The following KCNIP4 variants were observed in gnomAD, a reference collection of about 807,000 sequenced individuals.
KCNIP4 encodes the protein Kv channel-interacting protein 4.
KCNIP4 carries 12 observed loss-of-function variants against 34.0 expected under a neutral mutation model. The ratio of observed to expected loss-of-function variants is 0.35; its 90% CI spans 0.23 to 0.57. The LOEUF is 0.57. Ranked by LOEUF, KCNIP4 falls within the 20% of genes least tolerant of loss-of-function variation. The pLI is 0.83. For missense variants in KCNIP4, 238 were observed against 311.7 expected, an observed-to-expected ratio of 0.76 and a Z score of 1.78; for synonymous variants, 124 against 102.2, an observed-to-expected ratio of 1.21 and a Z score of -1.29.
chr4:21,194,877 G>A (rs758458236), intron 1 of KCNIP4, among the ~76,000 whole-genome samples: 8 of 152,120 alleles, frequency 5.3e-5, no homozygotes, highest in Non-Finnish European at 1.2e-4. Context: ...GTTATTTCAA[G>A]GTTTATTTGT....
intron 1 of KCNIP4, among the ~76,000 whole-genome samples, chr4:20,910,283 ATGTG>A (rs35143714): frequency 5.3e-5 from 8 of 149,704 alleles, no homozygotes; most frequent in African/African-American, 9.8e-5. Flanking sequence ...GTGTGTCTGT[ATGTG>A]TGTGTGTGTG....
Position 20,884,311 on chromosome 4 carries a change from A to C in KCNIP4, c.62-1602T>G, listed in dbSNP as rs751035503. ...GCCCTGGTGGTTTCCTGCACCTATC[A>C]GCCCATCATCTAGGTTTTAAGCTCC... On this transcript the variant is annotated intron_variant, in intron 1 of 8. Coordinates refer to ENST00000382152, the MANE Select transcript of KCNIP4 (RefSeq NM_025221.6). Among the ~76,000 whole-genome samples the C allele has an allele frequency of 2.1e-4, 32 of 152,164 alleles. 1 individual carries two copies. The highest frequency in any genetic ancestry group is 5.2e-4 in the Admixed American group (8 of 15,266).
intron 1 of KCNIP4, among the ~76,000 whole-genome samples, chr4:21,651,631 C>T (rs1051447824): frequency 6.6e-6 from 1 of 152,100 alleles, no homozygotes; most frequent in Non-Finnish European, 1.5e-5. Context: ...AAGGGCTTTA[C>T]ATAATTAGCA....
At chr4:20,755,765 T>C (rs970646933) in intron 4 of KCNIP4, among the ~76,000 whole-genome samples, 3 of 151,950 alleles carry the variant, frequency 2.0e-5, no homozygotes, top group Admixed American at 1.3e-4. Context: ...TGATGAGATA[T>C]TGAGATAGAT....
chr4:21,900,088 T>C (rs1727623242), intron 1 of KCNIP4, among the ~76,000 whole-genome samples: 1 of 152,176 alleles, frequency 6.6e-6, no homozygotes, highest in Non-Finnish European at 1.5e-5. Flanking sequence ...TTTGTTTCAA[T>C]TCTTTGATTG....
chr4:21,913,759 G>T (rs1728473022), intron 1 of KCNIP4, among the ~76,000 whole-genome samples: 1 of 152,142 alleles, frequency 6.6e-6, no homozygotes, highest in African/African-American at 2.4e-5. Flanking sequence ...AAAAAAATAT[G>T]GCAGGGTAAG....
intron 3 of KCNIP4, among the ~76,000 whole-genome samples, chr4:20,825,501 T>A (rs1717648755): frequency 6.6e-6 from 1 of 152,146 alleles, no homozygotes; most frequent in Admixed American, 6.5e-5. Flanking sequence ...CTAGGCTGTG[T>A]AACCAGGTAG....
At chr4:21,405,823 C>A (rs2109569619) in intron 1 of KCNIP4, among the ~76,000 whole-genome samples, 1 of 152,260 alleles carries the variant, frequency 6.6e-6, no homozygotes, top group East Asian at 1.9e-4. Flanking sequence ...GGCCTGTCAT[C>A]TTTTATTTTA....
chr4:20,987,615 CAT>C (rs1736689398), intron 1 of KCNIP4, among the ~76,000 whole-genome samples: 1 of 152,134 alleles, frequency 6.6e-6, no homozygotes, highest in South Asian at 2.1e-4. Context: ...CAACAAGGGA[CAT>C]AACCAGGATT....
intron 3 of KCNIP4, among the ~76,000 whole-genome samples, chr4:20,803,757 A>AGAAG (rs1560477354): frequency 8.0e-6 from 1 of 124,484 alleles, no homozygotes; most frequent in African/African-American, 3.2e-5. Context: ...AAGGAAGGAA[A>AGAAG]GAAGGAAGGA....
intron 1 of KCNIP4, among the ~76,000 whole-genome samples, chr4:21,475,539 C>T (rs34960959): frequency 0.12 from 18,984 of 152,158 alleles, 1,350 homozygotes; most frequent in South Asian, 0.21. Flanking sequence ...ATTATTTAAC[C>T]AATGTCCCTA....
At chr4:21,692,750 G>A (rs181356799) in intron 1 of KCNIP4, among the ~76,000 whole-genome samples, 8 of 150,902 alleles carry the variant, frequency 5.3e-5, no homozygotes, top group East Asian at 1.9e-4. Context: ...CAGAGCATGC[G>A]GGCCAAGAGA....
intron 1 of KCNIP4, among the ~76,000 whole-genome samples, chr4:21,505,087 A>G (rs1246351026): frequency 1.3e-5 from 2 of 152,198 alleles, no homozygotes; most frequent in Non-Finnish European, 2.9e-5. Flanking sequence ...TATAGCCTCC[A>G]TCTAATGAGC....
At chr4:21,139,246 A>G (rs767917008) in intron 1 of KCNIP4, among the ~76,000 whole-genome samples, 13 of 152,216 alleles carry the variant, frequency 8.5e-5, no homozygotes, top group Admixed American at 5.9e-4. Context: ...CGTTTCAATT[A>G]TTTGCTTTGT....
chr4:20,959,108 A>C (rs902328695), intron 1 of KCNIP4, among the ~76,000 whole-genome samples: 2 of 152,218 alleles, frequency 1.3e-5, no homozygotes, highest in African/African-American at 4.8e-5. Context: ...TGAAGAGGGA[A>C]GGAAGATTGA....
intron 1 of KCNIP4, among the ~76,000 whole-genome samples, chr4:21,046,692 A>G (rs1203533142): frequency 2.0e-5 from 3 of 152,076 alleles, no homozygotes; most frequent in Non-Finnish European, 4.4e-5. Flanking sequence ...CCTAGGTTCA[A>G]GCAGTTCTCC....
Position 21,796,972 on chromosome 4 carries a change from T to A in KCNIP4, c.61+151599A>T, listed in dbSNP as rs576258576. ...TTCTGACATTGGCAAAGCTTGGACA[T>A]ATTCTGAGCAAGAGGCTCCATTTTC... On this transcript the variant is annotated intron_variant, in intron 1 of 8. Transcript: ENST00000382152. Among the ~76,000 whole-genome samples, 82 of 152,306 alleles carry A rather than the reference T, an allele frequency of 5.4e-4. 1 individual carries two copies. The highest frequency in any genetic ancestry group is 1.9e-3 in the African/African-American group (77 of 41,578).
intron 3 of KCNIP4, among the ~76,000 whole-genome samples, chr4:20,796,152 T>C (rs1713427377): frequency 6.6e-6 from 1 of 152,202 alleles, no homozygotes. Context: ...AAGACAGAGA[T>C]AAAATGTACA....
chr4:21,462,139 C>G (rs1389238185), intron 1 of KCNIP4, among the ~76,000 whole-genome samples: 2 of 152,054 alleles, frequency 1.3e-5, no homozygotes, highest in Non-Finnish European at 2.9e-5. Flanking sequence ...AACACCAGAT[C>G]TTATTCCTTC....
Sources: allele counts gnomAD v4.1 joint callset (sites outside exome capture counted in the v4.1 genomes callset), GRCh38; gene constraint gnomAD v4.1.1; transcripts MANE v1.5; gene names NCBI Gene and HGNC (gene_info 2026-07-23, HGNC 2026-07-21).